ARSB: variants seen among roughly 807,000 people sequenced by gnomAD.
ARSB encodes the protein arylsulfatase B.
A neutral mutation model predicts 50.9 loss-of-function variants in ARSB; 41 were observed. The observed-to-expected ratio is 0.81, with a 90% CI of 0.63 to 1.04. The LOEUF (loss-of-function observed/expected upper bound fraction) is 1.04. ARSB is among the 50% of genes least tolerant of loss of function. The pLI is 0.00. For missense variants in ARSB, 672 were observed against 693.3 expected (o/e 0.97, Z 0.35); for synonymous variants, 269 against 284.8 (o/e 0.94, Z 0.56).
chr5:78,846,183 G>T (rs11739567), intron 5 of ARSB, among the ~76,000 whole-genome samples: 19,131 of 152,156 alleles, frequency 0.13, 1,406 homozygotes, highest in Middle Eastern at 0.21. Flanking sequence ...TCAAGGATCA[G>T]TAGGCTATAC....
At chr5:78,920,779 T>TA (rs1749774029) in intron 4 of ARSB, among the ~76,000 whole-genome samples, 1 of 152,202 alleles carries the variant, frequency 6.6e-6, no homozygotes, top group African/African-American at 2.4e-5. Flanking sequence ...CCAGAACCTC[T>TA]GGCTCACATT....
intron 6 of ARSB, among the ~76,000 whole-genome samples, chr5:78,824,503 A>T (rs1451247965): frequency 1.3e-5 from 2 of 152,178 alleles, no homozygotes; most frequent in African/African-American, 4.8e-5. Flanking sequence ...GCCCCACCCC[A>T]GCCTGACTGA....
intron 4 of ARSB, among the ~76,000 whole-genome samples, chr5:78,947,519 G>C (rs868683726): frequency 1.2e-4 from 19 of 152,118 alleles, no homozygotes; most frequent in African/African-American, 4.6e-4. Context: ...CGGCAAACAG[G>C]TATATGAAAA....
intron 6 of ARSB, among the ~76,000 whole-genome samples, chr5:78,816,524 C>G (rs1007747714): frequency 1.3e-5 from 2 of 152,148 alleles, no homozygotes; most frequent in Non-Finnish European, 2.9e-5. Flanking sequence ...TGGTGTTACT[C>G]CTGAGATTAT....
intron 6 of ARSB, among the ~76,000 whole-genome samples, chr5:78,808,381 T>G (rs1561434038): frequency 6.6e-6 from 1 of 152,230 alleles, no homozygotes; most frequent in Non-Finnish European, 1.5e-5. Context: ...GAATTTAATG[T>G]GCAAAGATGA....
intron 5 of ARSB, chr5:78,884,837 T>C (rs1747933142): frequency 6.6e-6 from 1 of 152,240 alleles, no homozygotes; most frequent in Admixed American, 6.5e-5. Flanking sequence ...CTCTAAGGCA[T>C]GTGCCTCCCA....
At chr5:78,871,216 A>G (rs1012302489) in intron 5 of ARSB, among the ~76,000 whole-genome samples, 43 of 151,998 alleles carry the variant, frequency 2.8e-4, no homozygotes, top group African/African-American at 1.0e-3. Context: ...GGAAGAATCA[A>G]TATCGTGAAA....
At chr5:78,961,005 C>T (rs955306462) in intron 3 of ARSB, among the ~76,000 whole-genome samples, 1 of 152,298 alleles carries the variant, frequency 6.6e-6, no homozygotes, top group Non-Finnish European at 1.5e-5. Context: ...TTAGCAGTAC[C>T]TTCCTGAGTC....
intron 1 of ARSB, among the ~76,000 whole-genome samples, chr5:78,978,478 C>CT (rs1034941016): frequency 5.9e-5 from 9 of 151,790 alleles, no homozygotes; most frequent in African/African-American, 1.9e-4. Flanking sequence ...TTCCACTTCC[C>CT]TTTTTTTTAA....
intron 4 of ARSB, among the ~76,000 whole-genome samples, chr5:78,891,101 C>A (rs556608062): frequency 9.8e-5 from 15 of 152,304 alleles, no homozygotes; most frequent in Non-Finnish European, 1.6e-4. Context: ...ACCTACCACA[C>A]AGAAGGGCTC....
At chr5:78,839,491 C>T (rs1745099168) in intron 5 of ARSB, 65 bp from the exon 6 acceptor site, 7 of 1,391,456 alleles carry the variant, frequency 5.0e-6, no homozygotes, top group East Asian at 2.3e-5. Flanking sequence ...TATTTTAATA[C>T]TTCCCTTCCT....
intron 1 of ARSB, among the ~76,000 whole-genome samples, chr5:78,974,052 G>T (rs1016507122): frequency 6.6e-6 from 1 of 152,262 alleles, no homozygotes; most frequent in East Asian, 1.9e-4. Context: ...CCTGTGCCTC[G>T]GCCAGTACAC....
intron 1 of ARSB, among the ~76,000 whole-genome samples, chr5:78,975,198 G>A (rs1012945452): frequency 1.3e-5 from 2 of 152,224 alleles, no homozygotes; most frequent in African/African-American, 4.8e-5. Context: ...GCCAGCAGGC[G>A]AGGAGCAGGC....
At chr5:78,812,782 C>T (rs938133002) in intron 6 of ARSB, among the ~76,000 whole-genome samples, 3 of 152,090 alleles carry the variant, frequency 2.0e-5, no homozygotes, top group Non-Finnish European at 2.9e-5. Flanking sequence ...TGCTTGAGCT[C>T]AGGAGTTCAA....
intron 4 of ARSB, among the ~76,000 whole-genome samples, chr5:78,905,572 G>A (rs1340494916): frequency 6.6e-6 from 1 of 152,056 alleles, no homozygotes; most frequent in African/African-American, 2.4e-5. Flanking sequence ...TGAGGTTTGG[G>A]TTTGCCCAGC....
At chr5:78,874,749 G>T (rs912103944) in intron 5 of ARSB, among the ~76,000 whole-genome samples, 2 of 152,040 alleles carry the variant, frequency 1.3e-5, no homozygotes, top group Non-Finnish European at 2.9e-5. Context: ...TACAGAATAC[G>T]CATTCTTTTC....
intron 5 of ARSB, chr5:78,883,987 C>T (rs1216708180): frequency 6.6e-6 from 1 of 152,028 alleles, no homozygotes; most frequent in African/African-American, 2.4e-5. Context: ...TATGGTATTT[C>T]CAGAGTGTTG....
At chr5:78,934,890 T>G (rs1750509441) in intron 4 of ARSB, among the ~76,000 whole-genome samples, 1 of 152,102 alleles carries the variant, frequency 6.6e-6, no homozygotes. Flanking sequence ...CCATAAATAT[T>G]TATTAAAATT....
At chr5:78,823,889 C>T (rs1284410259) in intron 6 of ARSB, among the ~76,000 whole-genome samples, 1 of 152,198 alleles carries the variant, frequency 6.6e-6, no homozygotes, top group Non-Finnish European at 1.5e-5. Flanking sequence ...ATTATAAATA[C>T]TTATGATATA....
Sources: gnomAD v4.1 joint callset for allele counts (sites outside exome capture counted in the v4.1 genomes callset) on GRCh38, gnomAD v4.1.1 for gene constraint, MANE v1.5 for transcripts, NCBI Gene and HGNC (gene_info 2026-07-23, HGNC 2026-07-21) for gene names.